Variants in SCHIP1 observed in about 807,000 individuals in gnomAD.
SCHIP1 encodes schwannomin-interacting protein 1.
SCHIP1 carries 8 observed loss-of-function variants against 29.7 expected under a neutral mutation model. The observed-to-expected ratio is 0.27, with a 90% CI of 0.16 to 0.49. SCHIP1 has a LOEUF of 0.49. Among genes scored for constraint, SCHIP1 ranks in the 20% least tolerant of loss-of-function variants. SCHIP1 has a pLI of 0.99. For synonymous variants in SCHIP1, 76 were observed against 94.9 expected (o/e 0.80, Z 1.16); for missense variants, 193 against 294.6 (o/e 0.66, Z 2.52).
At chr3:159,606,069 G>C in the SCHIP1 span, among the ~76,000 whole-genome samples, 4 of 152,114 alleles carry the variant, frequency 2.6e-5, no homozygotes, top group Non-Finnish European at 5.9e-5. Context: ...ATCTCCCCAG[G>C]TAGTTCTGTT....
chr3:159,418,252 A>G, the SCHIP1 span, among the ~76,000 whole-genome samples: 1 of 152,206 alleles, frequency 6.6e-6, no homozygotes, highest in African/African-American at 2.4e-5. Flanking sequence ...GTTGACAGGC[A>G]TTTAGGTTGT....
the SCHIP1 span, among the ~76,000 whole-genome samples, chr3:159,663,279 C>G: frequency 6.6e-6 from 1 of 152,126 alleles, no homozygotes; most frequent in African/African-American, 2.4e-5. Flanking sequence ...TTTGAAAAGC[C>G]TGAGTAACCC....
At chr3:159,377,251 C>T in the SCHIP1 span, among the ~76,000 whole-genome samples, 1 of 152,312 alleles carries the variant, frequency 6.6e-6, no homozygotes, top group East Asian at 1.9e-4. Flanking sequence ...CCAATCAAGA[C>T]TGGGTAGACA....
chr3:159,654,949 A>T, the SCHIP1 span, among the ~76,000 whole-genome samples: 2 of 152,078 alleles, frequency 1.3e-5, no homozygotes, highest in Non-Finnish European at 2.9e-5. Context: ...GAGGCCCTTC[A>T]TGTCACCTTA....
chr3:159,597,380 T>C, the SCHIP1 span, among the ~76,000 whole-genome samples: 43 of 152,178 alleles, frequency 2.8e-4, no homozygotes, highest in Non-Finnish European at 2.9e-5. Flanking sequence ...ACTGAATTTA[T>C]GTATTCTTTC....
At chr3:159,471,580 C>T in the SCHIP1 span, among the ~76,000 whole-genome samples, 14 of 151,876 alleles carry the variant, frequency 9.2e-5, no homozygotes, top group Admixed American at 7.2e-4. Flanking sequence ...CTAAAATATA[C>T]ATTACCATAC....
the SCHIP1 span, among the ~76,000 whole-genome samples, chr3:159,600,835 T>C: frequency 2.6e-4 from 39 of 152,370 alleles, no homozygotes; most frequent in African/African-American, 8.7e-4. Context: ...AGGACATTTT[T>C]CTGAAGATAT....
At chr3:159,658,351 G>A in the SCHIP1 span, among the ~76,000 whole-genome samples, 1 of 152,150 alleles carries the variant, frequency 6.6e-6, no homozygotes, top group African/African-American at 2.4e-5. Flanking sequence ...GGGAACAGTG[G>A]CAGATATTTA....
the SCHIP1 span, among the ~76,000 whole-genome samples, chr3:159,288,307 G>A: frequency 1.3e-5 from 2 of 152,082 alleles, no homozygotes; most frequent in East Asian, 1.9e-4. Flanking sequence ...AATTTAAAAC[G>A]ATGCCTAGCT....
At chr3:159,693,859 T>C in the SCHIP1 span, among the ~76,000 whole-genome samples, 1 of 152,232 alleles carries the variant, frequency 6.6e-6, no homozygotes, top group African/African-American at 2.4e-5. Flanking sequence ...TTTCAAAAAG[T>C]AAATATCCAT....
At chr3:159,732,648 T>C in the SCHIP1 span, among the ~76,000 whole-genome samples, 56 of 152,120 alleles carry the variant, frequency 3.7e-4, no homozygotes, top group Non-Finnish European at 7.1e-4. Context: ...CAGAAGGCCC[T>C]GAGGCATTTC....
chr3:159,680,706 T>TATGTATATATATATAC, the SCHIP1 span, among the ~76,000 whole-genome samples: 374 of 12,428 alleles, frequency 0.03, 43 homozygotes, highest in African/African-American at 0.094. Flanking sequence ...TAATATATAT[T>TATGTATATATATATAC]ATATATAATA....
the SCHIP1 span, among the ~76,000 whole-genome samples, chr3:159,788,330 A>T: frequency 6.6e-6 from 1 of 152,240 alleles, no homozygotes; most frequent in Non-Finnish European, 1.5e-5. Context: ...AGCTGGTTTT[A>T]AATACAAGGC....
the SCHIP1 span, among the ~76,000 whole-genome samples, chr3:159,564,094 A>G: frequency 6.6e-6 from 1 of 152,094 alleles, no homozygotes; most frequent in Non-Finnish European, 1.5e-5. Context: ...CTAAAACTTT[A>G]CTTTCTTCAA....
chr3:159,453,148 G>A, the SCHIP1 span, among the ~76,000 whole-genome samples: 4 of 152,326 alleles, frequency 2.6e-5, no homozygotes, highest in Admixed American at 2.6e-4. Flanking sequence ...AATTGTAGCT[G>A]CAGGTACAAC....
At chr3:159,733,316 T>C in the SCHIP1 span, among the ~76,000 whole-genome samples, 205 of 152,300 alleles carry the variant, frequency 1.3e-3, no homozygotes, top group African/African-American at 4.8e-3. Context: ...CTAGCAGAAA[T>C]GTGTTTCTCT....
chr3:159,680,580 T>TAC, the SCHIP1 span, among the ~76,000 whole-genome samples: 1 of 108,584 alleles, frequency 9.2e-6, no homozygotes, highest in Non-Finnish European at 1.7e-5. Context: ...ATAATATATC[T>TAC]ATATATAATA....
the SCHIP1 span, among the ~76,000 whole-genome samples, chr3:159,603,610 A>G: frequency 2.6e-5 from 4 of 152,120 alleles, no homozygotes; most frequent in African/African-American, 9.7e-5. Flanking sequence ...AAGACTAAAT[A>G]TATATTTTGC....
the SCHIP1 span, among the ~76,000 whole-genome samples, chr3:159,304,154 T>C: frequency 6.6e-6 from 1 of 152,200 alleles, no homozygotes; most frequent in Non-Finnish European, 1.5e-5. Context: ...AGAATGATGA[T>C]TCTTTCACAC....
Sources: gnomAD v4.1 joint callset for allele counts (sites outside exome capture counted in the v4.1 genomes callset) on GRCh38, gnomAD v4.1.1 for gene constraint, MANE v1.5 for transcripts, NCBI Gene and HGNC (gene_info 2026-07-23, HGNC 2026-07-21) for gene names.